PRKDC: variants seen among roughly 807,000 people sequenced by gnomAD.
PRKDC encodes the protein DNA-dependent protein kinase catalytic subunit.
A neutral mutation model predicts 486.9 loss-of-function variants in PRKDC; 82 were observed. The ratio of observed to expected loss-of-function variants is 0.17; its 90% CI spans 0.14 to 0.20. PRKDC has a LOEUF of 0.20. Ranked by LOEUF, PRKDC falls within the 10% of genes least tolerant of loss-of-function variation. PRKDC has a pLI of 1.00. For missense variants in PRKDC, 4,504 were observed against 5,038.2 expected (o/e 0.89, Z 3.21); for synonymous variants, 1,895 against 1,837.0 (o/e 1.03, Z -0.81).
chr8:47,889,275 A>C (rs1358698210), intron 32 of PRKDC, 53 bp from the exon 33 acceptor site: 1 of 1,470,270 alleles, frequency 6.8e-7, no homozygotes. Flanking sequence ...TTCTATTTTC[A>C]CCAAAGTGCA....
chr8:47,879,456 T>A, intron 39 of PRKDC, 35 bp downstream of exon 39: 1 of 1,481,890 alleles, frequency 6.7e-7, no homozygotes, highest in Non-Finnish European at 9.0e-7. Flanking sequence ...AAAAAAACAG[T>A]GTTTTAATTT....
chr8:47,798,136 T>A, intron 73 of PRKDC, 101 bp downstream of exon 73: 1 of 1,223,604 alleles, frequency 8.2e-7, no homozygotes, highest in Non-Finnish European at 1.1e-6. Flanking sequence ...TGGGAAAAGC[T>A]ATAATACATG....
chr8:47,831,713 G>T, intron 60 of PRKDC, 101 bp downstream of exon 60: 1 of 1,274,392 alleles, frequency 7.8e-7, no homozygotes, highest in Non-Finnish European at 1.1e-6. Context: ...TGGTTTGCAG[G>T]TGACATTGGA....
Position 47,960,046 on chromosome 8 carries a change from A to C in PRKDC, c.81T>G (p.Ala27=). 6.5e-7 allele frequency: 1 copy of C among 1,533,300 alleles called. No individual in the cohort carries two copies. Among genetic ancestry groups the C allele is most frequent in the Non-Finnish European group, 8.7e-7 (1 of 1,146,230 alleles). The allele number at this position is 1,533,300 out of a possible 1,614,324, so 95.0% of individuals were successfully genotyped here. Reference sequence around the variant, plus strand: ...GGATCAGTTGATGACCGGCCAGGGCAGCACCGCAGCGGTCCGCAGCGGACA... The same window carrying C: ...GGATCAGTTGATGACCGGCCAGGGCCGCACCGCAGCGGTCCGCAGCGGACA... The part of the protein sequence containing the change: ...ETLSAADRCG[A]ALAGHQLIRG... Residue 27 remains alanine (A), a synonymous_variant, in exon 1 of 86, where the codon GCT becomes GCG. Transcript: ENST00000314191.
chr8:47,921,440 G>A (rs1323521174), intron 21 of PRKDC, among the ~76,000 whole-genome samples: 2 of 152,090 alleles, frequency 1.3e-5, no homozygotes, highest in African/African-American at 4.8e-5. Flanking sequence ...TACTTTGGAT[G>A]GTTGGGTACT....
At chr8:47,830,934 A>C (rs1195530524) in intron 60 of PRKDC, among the ~76,000 whole-genome samples, 198 bp from the exon 61 acceptor site, 1 of 152,292 alleles carries the variant, frequency 6.6e-6, no homozygotes, top group East Asian at 1.9e-4. Context: ...CACAACAAGC[A>C]GTGGAAAGGC....
At position 47,889,115 on chromosome 8, in the gene PRKDC, A is replaced by T. The variant is rs774069970; in HGVS notation, c.4179T>A (p.Ala1393=). Residue 1393 remains alanine, a synonymous_variant, in exon 33 of 86, where the codon GCT becomes GCA. Transcript: ENST00000314191. ...GFNIGDVQVM[A]HLPDVCVNLM... is the part of the protein sequence containing the mutation. ...GATTCACACAAACATCAGGAAGATG[A>T]GCCATAACCTGGACGTCTCCGATGT... 109 of 1,613,878 alleles carry T rather than the reference A, an allele frequency of 6.8e-5. No homozygotes were observed. The highest frequency in any genetic ancestry group is 8.8e-5 in the Non-Finnish European group (104 of 1,179,896).
chr8:47,921,372 A>C (rs2090068209), intron 21 of PRKDC, among the ~76,000 whole-genome samples: 1 of 152,222 alleles, frequency 6.6e-6, no homozygotes, highest in Non-Finnish European at 1.5e-5. Flanking sequence ...TGCCAACTGG[A>C]AGATAATCTC....
chr8:47,773,941 A>G lies in PRKDC; in HGVS notation c.*232T>C. ...AATACTTTGGTAAGCCTGGATATCT[A>G]TCTTTCTATAAACCTCACCTAATCT... On this transcript the variant is annotated 3_prime_UTR_variant, in exon 86 of 86. Transcript: ENST00000314191. 2.2e-6 allele frequency: 1 copy of G among 444,540 alleles called. No individual in the cohort carries two copies. 27.5% of individuals were successfully genotyped at this position (444,540 alleles called of 1,614,324 possible).
Position 47,902,681 on chromosome 8 carries a change from G to A in PRKDC, c.3157C>T (p.Pro1053Ser), listed in dbSNP as rs771002751. The change falls in exon 27 of 86, where the codon CCA becomes TCA. Residue 1053 changes from proline to serine, a missense_variant. Around this residue, in one of 6 missense-constraint regions of PRKDC, gnomAD observed 1,969 missense variants for 2,068.9 expected, o/e 0.95. Transcript: ENST00000314191. Reference sequence around the variant, plus strand: ...TTGAAAAGCGATTTGGTGTTTACTGGACTCTTCTCCTGCTGCTGTGGTGTT... The same window carrying A: ...TTGAAAAGCGATTTGGTGTTTACTGAACTCTTCTCCTGCTGCTGTGGTGTT... ...QITPQQQEKS[P>S]VNTKSLFKRL... The A allele has an allele frequency of 6.2e-6, 10 of 1,613,782 alleles. No homozygotes were observed. The highest frequency in any genetic ancestry group is 8.5e-6 in the Non-Finnish European group (10 of 1,179,828).
chr8:47,890,467 C>T lies in PRKDC; in HGVS notation c.3861G>A (p.Gln1287=). The T allele has an allele frequency of 6.4e-7, 1 of 1,559,724 alleles. No homozygotes were observed. The highest frequency in any genetic ancestry group is 8.7e-7 in the Non-Finnish European group (1 of 1,150,844). ...AAGCCACTGCTTTCAAAAGTGAAGA[C>T]TGGGCTTCAGTACCTAGAAGCAATT... ...GALQVLGTEA[Q]SSLLKAVAFF... is the part of the protein sequence containing the mutation. Residue 1287 remains glutamine (Q), a synonymous_variant, in exon 32 of 86, where the codon CAG becomes CAA. Transcript: ENST00000314191.
At chr8:47,943,760 C>T in intron 9 of PRKDC, 93 bp downstream of exon 9, 1 of 1,097,266 alleles carries the variant, frequency 9.1e-7, no homozygotes, top group South Asian at 1.5e-5. Context: ...GATGTTATCA[C>T]ATTTGCTTTC....
At chr8:47,929,324 C>A in intron 18 of PRKDC, 146 bp from the exon 19 acceptor site, 1 of 654,420 alleles carries the variant, frequency 1.5e-6, no homozygotes, top group Non-Finnish European at 2.7e-6. Flanking sequence ...ATCAGCTCTG[C>A]AGACATTTCA....
Position 47,840,182 on chromosome 8 carries a change from C to T in PRKDC, c.7288G>A (p.Glu2430Lys). 6 of 1,594,574 alleles carry T rather than the reference C, an allele frequency of 3.8e-6. No individual in the cohort carries two copies. The highest frequency in any genetic ancestry group is 5.1e-6 in the Non-Finnish European group (6 of 1,168,864). ...FVQVMRHRDDERQKVCLDIIY... is the reference protein window; with the variant it reads ...FVQVMRHRDDKRQKVCLDIIY... Reference sequence around the variant, plus strand: ...ATGTCCAAACATACTTTTTGTCTTTCATCATCTCTATGGGAGAGATTTTAA... The same window carrying T: ...ATGTCCAAACATACTTTTTGTCTTTTATCATCTCTATGGGAGAGATTTTAA... Residue 2430 changes from glutamate (E) to lysine (K), a missense_variant, in exon 55 of 86, where the codon GAA becomes AAA. Physicochemically the swap from Glu to Lys is moderately conservative, Grantham distance 56. Around this residue, in one of 6 missense-constraint regions of PRKDC, gnomAD observed 1,592 missense variants for 1,724.6 expected, o/e 0.92. Transcript: ENST00000314191.
intron 1 of PRKDC, among the ~76,000 whole-genome samples, chr8:47,958,472 C>T (rs1040466087): frequency 6.6e-6 from 1 of 152,078 alleles, no homozygotes; most frequent in Non-Finnish European, 1.5e-5. Flanking sequence ...AACCACTAAG[C>T]TTGTGGTAAT....
intron 40 of PRKDC, among the ~76,000 whole-genome samples, chr8:47,869,664 CATA>C (rs551714752): frequency 6.6e-6 from 1 of 151,954 alleles, no homozygotes; most frequent in Non-Finnish European, 1.5e-5. Flanking sequence ...AGGAGACTTG[CATA>C]ATGTTTCATG....
intron 3 of PRKDC, among the ~76,000 whole-genome samples, chr8:47,956,333 G>A (rs1309613079): frequency 6.6e-6 from 1 of 152,120 alleles, no homozygotes; most frequent in Non-Finnish European, 1.5e-5. Context: ...CTGCACTCCA[G>A]CCTGAAAGTA....
At chr8:47,887,316 C>T (rs569541479) in intron 35 of PRKDC, among the ~76,000 whole-genome samples, 2 of 152,132 alleles carry the variant, frequency 1.3e-5, no homozygotes, top group African/African-American at 4.8e-5. Flanking sequence ...CTTTTGGAAA[C>T]AAAGTGGGAT....
At chr8:47,792,724 T>C (rs954041905) in intron 74 of PRKDC, among the ~76,000 whole-genome samples, 1 of 151,982 alleles carries the variant, frequency 6.6e-6, no homozygotes, top group Non-Finnish European at 1.5e-5. Context: ...ATGTACCCCA[T>C]AAACATAGAC....
Sources: allele counts gnomAD v4.1 joint callset (sites outside exome capture counted in the v4.1 genomes callset), GRCh38; gene constraint gnomAD v4.1.1; regional missense constraint gnomAD v4.1.1; transcripts MANE v1.5; gene names NCBI Gene and HGNC (gene_info 2026-07-23, HGNC 2026-07-21).